GRIN3A: variants seen among roughly 807,000 people sequenced by gnomAD.
The protein encoded by GRIN3A is glutamate receptor ionotropic, NMDA 3A.
A neutral mutation model predicts 92.4 loss-of-function variants in GRIN3A; 47 were observed. The observed-to-expected ratio is 0.51, with a 90% CI of 0.40 to 0.65. The LOEUF is 0.65. GRIN3A is among the 30% of genes least tolerant of loss of function. The pLI, the probability that GRIN3A is intolerant of heterozygous loss-of-function variation, is 0.00. For synonymous variants in GRIN3A, 527 were observed against 540.6 expected (o/e 0.97, Z 0.35); for missense variants, 1,324 against 1,393.1 (o/e 0.95, Z 0.79).
At chr9:101,598,324 C>T (rs926024687) in intron 6 of GRIN3A, among the ~76,000 whole-genome samples, 5 of 152,010 alleles carry the variant, frequency 3.3e-5, no homozygotes, top group African/African-American at 1.2e-4. Flanking sequence ...TAGTGGACAG[C>T]ACAGAGCTAG....
At chr9:101,711,983 T>C (rs966987492) in intron 1 of GRIN3A, among the ~76,000 whole-genome samples, 3 of 152,182 alleles carry the variant, frequency 2.0e-5, no homozygotes, top group African/African-American at 7.2e-5. Flanking sequence ...AACGATTCCA[T>C]CACCAGCTGA....
chr9:101,597,803 G>A (rs575069473), intron 6 of GRIN3A, among the ~76,000 whole-genome samples: 65 of 151,376 alleles, frequency 4.3e-4, no homozygotes, highest in African/African-American at 1.5e-3. Flanking sequence ...ACTTCATAAA[G>A]TTGTAAAACT....
intron 3 of GRIN3A, among the ~76,000 whole-genome samples, chr9:101,637,121 C>A (rs1564132152): frequency 6.6e-6 from 1 of 151,856 alleles, no homozygotes; most frequent in African/African-American, 2.4e-5. Flanking sequence ...GAGACAGAGT[C>A]TCGCTCTGTC....
intron 1 of GRIN3A, among the ~76,000 whole-genome samples, chr9:101,709,519 A>G (rs769385256): frequency 3.0e-4 from 45 of 152,200 alleles, no homozygotes; most frequent in Non-Finnish European, 5.6e-4. Context: ...GCTGCCGTCT[A>G]AGTTCTCAGA....
chr9:101,664,878 A>G (rs1829218531), intron 3 of GRIN3A, among the ~76,000 whole-genome samples: 1 of 152,004 alleles, frequency 6.6e-6, no homozygotes, highest in Admixed American at 6.6e-5. Context: ...CATTCATTGT[A>G]AGTTATCTGC....
chr9:101,730,144 C>A (rs1255739896), intron 1 of GRIN3A, among the ~76,000 whole-genome samples: 3 of 152,124 alleles, frequency 2.0e-5, no homozygotes, highest in African/African-American at 4.8e-5. Context: ...TAAAACTGGA[C>A]TTCAAAGTTC....
intron 1 of GRIN3A, among the ~76,000 whole-genome samples, chr9:101,725,238 G>A (rs1830069875): frequency 6.6e-6 from 1 of 152,136 alleles, no homozygotes; most frequent in South Asian, 2.1e-4. Flanking sequence ...CATTATATTT[G>A]ATAAGTATTT....
intron 8 of GRIN3A, among the ~76,000 whole-genome samples, chr9:101,573,905 A>T (rs890293979): frequency 4.6e-5 from 7 of 152,060 alleles, no homozygotes; most frequent in African/African-American, 1.7e-4. Flanking sequence ...TAATAAAAGC[A>T]AAATCTATTT....
intron 3 of GRIN3A, among the ~76,000 whole-genome samples, chr9:101,637,672 T>G (rs1423072793): frequency 2.0e-5 from 3 of 152,210 alleles, no homozygotes; most frequent in Non-Finnish European, 4.4e-5. Flanking sequence ...TAAGCAATAT[T>G]TGTTACAATC....
chr9:101,591,208 G>T (rs111727104), intron 6 of GRIN3A, among the ~76,000 whole-genome samples: 1 of 152,144 alleles, frequency 6.6e-6, no homozygotes, highest in Non-Finnish European at 1.5e-5. Flanking sequence ...AAACTGTCTC[G>T]TCTAACATAT....
At chr9:101,700,446 A>T (rs1335841602) in intron 1 of GRIN3A, among the ~76,000 whole-genome samples, 1 of 152,222 alleles carries the variant, frequency 6.6e-6, no homozygotes, top group African/African-American at 2.4e-5. Context: ...TGGCACCTGA[A>T]TGCTGAAAGA....
chr9:101,688,225 G>T (rs550112962), intron 1 of GRIN3A, among the ~76,000 whole-genome samples: 36 of 152,266 alleles, frequency 2.4e-4, no homozygotes, highest in African/African-American at 8.4e-4. Flanking sequence ...AAGAAGTGTG[G>T]CCTGTCCCTA....
intron 5 of GRIN3A, among the ~76,000 whole-genome samples, chr9:101,622,995 A>AACACACAC (rs5899450): frequency 0.15 from 22,591 of 147,324 alleles, 1,707 homozygotes; most frequent in East Asian, 0.18. Context: ...CCTGCCACTA[A>AACACACAC]ACACACACAC....
chr9:101,716,137 G>A (rs1159334184), intron 1 of GRIN3A, among the ~76,000 whole-genome samples: 3 of 151,726 alleles, frequency 2.0e-5, no homozygotes, highest in African/African-American at 7.3e-5. Flanking sequence ...AATTAAGAGA[G>A]GAAAGGACAA....
intron 3 of GRIN3A, among the ~76,000 whole-genome samples, chr9:101,634,159 C>T (rs1391765197): frequency 6.6e-6 from 1 of 151,844 alleles, no homozygotes; most frequent in Non-Finnish European, 1.5e-5. Context: ...CGGTGAAACC[C>T]TGTCTCTACT....
intron 6 of GRIN3A, among the ~76,000 whole-genome samples, chr9:101,588,971 AT>A (rs147620824): frequency 6.6e-6 from 1 of 151,028 alleles, no homozygotes; most frequent in East Asian, 1.9e-4. Flanking sequence ...TGTGTATAGT[AT>A]TTTTTTTTCT....
Position 101,572,070 on chromosome 9 carries a change from A to G in GRIN3A, c.*1104T>C, listed in dbSNP as rs1827768639. ...ACCAGTTCATAGCTCCTCAGAGATG[A>G]GTGGGTGTGAGGATGGGGGATTGAC... is the stretch of plus-strand genomic sequence containing the variant. On this transcript the variant is annotated 3_prime_UTR_variant, in exon 9 of 9. Transcript: ENST00000361820. The G allele has an allele frequency of 6.6e-6, 1 of 152,252 alleles. No individual in the cohort carries two copies. The highest frequency in any genetic ancestry group is 1.9e-4 in the East Asian group (1 of 5,174). 9.4% of individuals were successfully genotyped at this position (152,252 alleles called of 1,614,324 possible).
intron 3 of GRIN3A, among the ~76,000 whole-genome samples, chr9:101,631,765 C>T (rs568144710): frequency 3.5e-4 from 54 of 152,318 alleles, no homozygotes; most frequent in African/African-American, 1.2e-3. Context: ...TAAGCAGACT[C>T]CAGGAGAGAA....
At chr9:101,724,461 C>T (rs372965118) in intron 1 of GRIN3A, among the ~76,000 whole-genome samples, 2 of 152,156 alleles carry the variant, frequency 1.3e-5, no homozygotes, top group African/African-American at 2.4e-5. Context: ...GACCTGCGCG[C>T]GCAGCCCTGG....
Sources: gnomAD v4.1 joint callset for allele counts (sites outside exome capture counted in the v4.1 genomes callset) on GRCh38, gnomAD v4.1.1 for gene constraint, MANE v1.5 for transcripts, NCBI Gene and HGNC (gene_info 2026-07-23, HGNC 2026-07-21) for gene names.